PPARGC1A: variants seen among roughly 807,000 people sequenced by gnomAD.
PPARGC1A encodes the protein peroxisome proliferator-activated receptor gamma coactivator 1-alpha.
PPARGC1A carries 25 observed loss-of-function variants against 88.7 expected under a neutral mutation model. The observed-to-expected ratio is 0.28, with a 90% CI of 0.21 to 0.39. The LOEUF (loss-of-function observed/expected upper bound fraction) is 0.39. PPARGC1A is among the 10% of genes least tolerant of loss of function. The pLI, the probability that PPARGC1A is intolerant of heterozygous loss-of-function variation, is 1.00. For synonymous variants in PPARGC1A, 363 were observed against 355.6 expected, an observed-to-expected ratio of 1.02 and a Z score of -0.24; for missense variants, 880 against 968.7, an observed-to-expected ratio of 0.91 and a Z score of 1.22.
the PPARGC1A span, among the ~76,000 whole-genome samples, chr4:24,232,512 A>C: frequency 8.5e-5 from 13 of 152,232 alleles, no homozygotes; most frequent in Non-Finnish European, 1.3e-4. Flanking sequence ...CACTGATCAA[A>C]TTTGACTTGT....
At chr4:23,953,458 G>A in the PPARGC1A span, among the ~76,000 whole-genome samples, 1 of 152,058 alleles carries the variant, frequency 6.6e-6, no homozygotes, top group East Asian at 1.9e-4. Flanking sequence ...GGATTGGATT[G>A]GTTTAACCAT....
the PPARGC1A span, among the ~76,000 whole-genome samples, chr4:24,380,028 C>T: frequency 2.0e-5 from 3 of 152,004 alleles, no homozygotes; most frequent in Admixed American, 2.0e-4. Context: ...TCCGCCTGTT[C>T]GGCCTCCAGA....
intron 2 of PPARGC1A, among the ~76,000 whole-genome samples, chr4:23,835,207 T>C (rs1396922963): frequency 6.6e-6 from 1 of 152,230 alleles, no homozygotes; most frequent in East Asian, 1.9e-4. Flanking sequence ...GCGCCTTAGC[T>C]CTATCCCTAG....
At chr4:23,823,284 G>A (rs1045863612) in intron 7 of PPARGC1A, among the ~76,000 whole-genome samples, 5 of 151,974 alleles carry the variant, frequency 3.3e-5, no homozygotes, top group African/African-American at 1.2e-4. Context: ...GCAATAAAAA[G>A]TGGCTACCAT....
chr4:24,223,081 T>A, the PPARGC1A span, among the ~76,000 whole-genome samples: 1 of 152,032 alleles, frequency 6.6e-6, no homozygotes. Context: ...ATCATGACAG[T>A]ATGCTTTAAA....
chr4:24,334,882 T>A, the PPARGC1A span, among the ~76,000 whole-genome samples: 1 of 152,210 alleles, frequency 6.6e-6, no homozygotes, highest in Non-Finnish European at 1.5e-5. Context: ...GAGGATTCAG[T>A]GTATTTTGAT....
chr4:24,230,448 A>G, the PPARGC1A span, among the ~76,000 whole-genome samples: 8 of 152,072 alleles, frequency 5.3e-5, no homozygotes, highest in African/African-American at 1.7e-4. Flanking sequence ...GTAAGGGAAG[A>G]GAGCACAAGA....
the PPARGC1A span, among the ~76,000 whole-genome samples, chr4:24,437,828 G>GT: frequency 3.1e-4 from 46 of 150,130 alleles, no homozygotes; most frequent in Admixed American, 1.7e-3. Context: ...TAGTTTTTTT[G>GT]TTTCTTTTGG....
At chr4:24,368,792 C>T in the PPARGC1A span, among the ~76,000 whole-genome samples, 16 of 152,028 alleles carry the variant, frequency 1.1e-4, no homozygotes, top group Admixed American at 4.6e-4. Flanking sequence ...GGACTTTCCT[C>T]GGAACAAAAA....
chr4:24,025,734 G>C, the PPARGC1A span, among the ~76,000 whole-genome samples: 1 of 150,406 alleles, frequency 6.6e-6, no homozygotes, highest in African/African-American at 2.4e-5. Flanking sequence ...GATGGAATAA[G>C]AGACATTGTC....
At chr4:24,087,911 T>C in the PPARGC1A span, among the ~76,000 whole-genome samples, 3 of 152,190 alleles carry the variant, frequency 2.0e-5, no homozygotes, top group Non-Finnish European at 4.4e-5. Context: ...ATACATTCTG[T>C]AGAAGTGAGT....
At chr4:23,894,084 A>T (rs2148863863), upstream of PPARGC1A, among the ~76,000 whole-genome samples, 1 of 152,248 alleles carries the variant, frequency 6.6e-6, no homozygotes, top group African/African-American at 2.4e-5. Flanking sequence ...TTCATCCATA[A>T]GAATAATAAT....
At chr4:24,255,631 T>C in the PPARGC1A span, among the ~76,000 whole-genome samples, 1 of 152,212 alleles carries the variant, frequency 6.6e-6, no homozygotes, top group African/African-American at 2.4e-5. Flanking sequence ...TTTCTCAACG[T>C]AAATTTGGCC....
the PPARGC1A span, among the ~76,000 whole-genome samples, chr4:24,130,668 T>A: frequency 6.6e-6 from 1 of 152,086 alleles, no homozygotes; most frequent in South Asian, 2.1e-4. Flanking sequence ...TGCACCATCA[T>A]CTCCACATCA....
At chr4:23,975,861 A>G in the PPARGC1A span, among the ~76,000 whole-genome samples, 3 of 152,226 alleles carry the variant, frequency 2.0e-5, no homozygotes, top group Non-Finnish European at 4.4e-5. Context: ...TTTATTTCTA[A>G]TTTACAATAT....
the PPARGC1A span, among the ~76,000 whole-genome samples, chr4:24,028,279 T>C: frequency 6.6e-6 from 1 of 151,930 alleles, no homozygotes; most frequent in African/African-American, 2.4e-5. Context: ...ATAAGAAAAC[T>C]GACAACATTT....
chr4:23,832,212 A>G (rs1725132803), intron 2 of PPARGC1A, among the ~76,000 whole-genome samples: 1 of 152,206 alleles, frequency 6.6e-6, no homozygotes, highest in Non-Finnish European at 1.5e-5. Context: ...GAACAACACC[A>G]GAAAGTGGAA....
the PPARGC1A span, among the ~76,000 whole-genome samples, chr4:24,339,210 GTGTATATATATATATATATA>G: frequency 1.8e-5 from 2 of 110,598 alleles, no homozygotes; most frequent in African/African-American, 3.8e-5. Context: ...GTGTGTGTGT[GTGTATATATATATATATATA>G]TATATATACA....
chr4:24,185,626 T>C, the PPARGC1A span, among the ~76,000 whole-genome samples: 1 of 152,226 alleles, frequency 6.6e-6, no homozygotes, highest in Non-Finnish European at 1.5e-5. Context: ...ATTTATTGAA[T>C]GTTTATAGCT....
Sources: gnomAD v4.1 joint callset for allele counts (sites outside exome capture counted in the v4.1 genomes callset) on GRCh38, gnomAD v4.1.1 for gene constraint, MANE v1.5 for transcripts, NCBI Gene and HGNC (gene_info 2026-07-23, HGNC 2026-07-21) for gene names.